ANTXRL: variants seen among roughly 807,000 people sequenced by gnomAD.
ANTXRL encodes ANTXR like.
ANTXRL carries 63 observed loss-of-function variants against 75.4 expected under a neutral mutation model. The ratio of observed to expected loss-of-function variants is 0.84; its 90% CI spans 0.68 to 1.03. The LOEUF (loss-of-function observed/expected upper bound fraction) is 1.03. Among genes scored for constraint, ANTXRL ranks in the 50% least tolerant of loss-of-function variants. The pLI, the probability that ANTXRL is intolerant of heterozygous loss-of-function variation, is 0.00. For missense variants in ANTXRL, 797 were observed against 789.4 expected, an observed-to-expected ratio of 1.01 and a Z score of -0.12; for synonymous variants, 335 against 291.3, an observed-to-expected ratio of 1.15 and a Z score of -1.53.
Position 46,310,445 on chromosome 10 carries a change from CT to C in ANTXRL, c.1135-12del. On this transcript the variant is annotated splice_polypyrimidine_tract_variant and intron_variant, in intron 13 of 16. Transcript: ENST00000620264. Reference sequence around the variant, plus strand: ...ACCCCCATCCAGCCTGTGTTTGTCTCTTTTGAACATTCTAGACTGTCAAGGA... The same window carrying C: ...ACCCCCATCCAGCCTGTGTTTGTCTCTTTGAACATTCTAGACTGTCAAGGA... 1 of 1,536,236 alleles carries C rather than the reference CT, an allele frequency of 6.5e-7. No individual in the cohort carries two copies. The highest frequency in any genetic ancestry group is 8.7e-7 in the Non-Finnish European group (1 of 1,146,754).
chr10:46,295,815 T>TCTCTGTAA (rs1554958438), intron 3 of ANTXRL, among the ~76,000 whole-genome samples: 9 of 152,248 alleles, frequency 5.9e-5, no homozygotes, highest in African/African-American at 1.9e-4. Flanking sequence ...AGGCCTGCAT[T>TCTCTGTAA]CTCTGTAACT....
At chr10:46,320,006 G>A (rs1266132788) in intron 16 of ANTXRL, among the ~76,000 whole-genome samples, 1 of 152,188 alleles carries the variant, frequency 6.6e-6, no homozygotes. Flanking sequence ...CCATGTGAAT[G>A]TATATGTCAT....
intron 5 of ANTXRL, among the ~76,000 whole-genome samples, chr10:46,296,696 A>G (rs1432267154): frequency 6.6e-6 from 1 of 152,110 alleles, no homozygotes; most frequent in Non-Finnish European, 1.5e-5. Context: ...AGCTCTTGTC[A>G]GGAAAAGGCA....
intron 14 of ANTXRL, 32 bp downstream of exon 14, chr10:46,310,531 C>T: frequency 6.5e-7 from 1 of 1,534,240 alleles, no homozygotes; most frequent in Non-Finnish European, 8.7e-7. Context: ...GATATTGTCA[C>T]ATCCCAAGGA....
rs1554960857 is a variant in ANTXRL, at chr10:46,302,710, T to C, written c.797-12T>C. 2.6e-6 allele frequency: 4 copies of C among 1,528,128 alleles called. No homozygotes were observed. In the East Asian group the frequency reaches 7.3e-5, roughly 28 times the overall value. 94.7% of individuals were successfully genotyped at this position (1,528,128 alleles called of 1,614,324 possible). A position where few individuals can be genotyped will look rare whatever the true frequency, so the allele number is the denominator to read the frequency against. On this transcript the variant is annotated splice_polypyrimidine_tract_variant and intron_variant, in intron 9 of 16. Transcript: ENST00000620264. ...TCTTCCTCACTCAGCCTTTTGAATGTTGTCCTTGCAGAACCCTACCATGTG... is the reference window on the plus strand; with the variant it reads ...TCTTCCTCACTCAGCCTTTTGAATGCTGTCCTTGCAGAACCCTACCATGTG...
Position 46,325,809 on chromosome 10 carries a change from T to C in ANTXRL, c.1411-3790T>C, listed in dbSNP as rs565383565. 3.9e-5 allele frequency among the ~76,000 whole-genome samples: 6 copies of C among 152,234 alleles called. No individual in the cohort carries two copies. The South Asian group carries it at 1.0e-3, about 26-fold the overall frequency. ...CATTTTCTCTAGCTCCTTTTACCTC[T>C]TCTCATGCAGGGGTTTTTGAGGGTC... On this transcript the variant is annotated intron_variant, in intron 16 of 16. Coordinates refer to ENST00000620264, the MANE Select transcript of ANTXRL (RefSeq NM_001278688.3).
At chr10:46,329,500 TGG>T in intron 16 of ANTXRL, 97 bp from the exon 17 acceptor site, 2 of 1,430,120 alleles carry the variant, frequency 1.4e-6, no homozygotes, top group African/African-American at 2.9e-5. Context: ...TGGGTCCCGA[TGG>T]GTCCTGGCCC....
rs1179394699 is a variant in ANTXRL, at chr10:46,296,433, C to T, written c.508+181C>T. Among the ~76,000 whole-genome samples the T allele has an allele frequency of 3.3e-5, 5 of 152,158 alleles. 1 individual carries two copies. The highest frequency in any genetic ancestry group is 1.2e-4 in the African/African-American group (5 of 41,440). On this transcript the variant is annotated intron_variant, in intron 5 of 16. Coordinates refer to ENST00000620264, the MANE Select transcript of ANTXRL (RefSeq NM_001278688.3). ...CAATGAGCATAGTAAGCCCTCACCC[C>T]ATGGAGTTCTGAGAACTGTGTGGGA...
chr10:46,319,721 AAAACCC>A (rs1367233859), intron 16 of ANTXRL, among the ~76,000 whole-genome samples: 6 of 152,006 alleles, frequency 3.9e-5, no homozygotes, highest in Non-Finnish European at 8.8e-5. Context: ...TAAAGATTAG[AAAACCC>A]AAGTTTGTCA....
In ANTXRL at chr10:46,330,066, C is replaced by A. The variant is rs7091749; in HGVS notation, c.1878C>A (p.Pro626=). ...CAGAACCCCCTTTGTCACTCCCCCC[C>A]TCAGAGCCCAACTTCTAAGGCACCA... ...HTAEPPLSLP[P]SEPNF is the part of the protein sequence containing the mutation. The change falls in exon 17 of 17, where the codon CCC becomes CCA. Residue 626 remains proline (P), a synonymous_variant. Coordinates refer to ENST00000620264, the MANE Select transcript of ANTXRL (RefSeq NM_001278688.3). The A allele has an allele frequency of 7.9e-6, 12 of 1,519,144 alleles. No individual in the cohort carries two copies. Among genetic ancestry groups the A allele is most frequent in the Middle Eastern group, 1.7e-4 (1 of 5,922 alleles). 94.1% of individuals were successfully genotyped at this position (1,519,144 alleles called of 1,614,324 possible). A position where few individuals can be genotyped will look rare whatever the true frequency, so the allele number is the denominator to read the frequency against.
At chr10:46,308,633 C>T (rs1838244123) in intron 12 of ANTXRL, 2 of 349,596 alleles carry the variant, frequency 5.7e-6, no homozygotes, top group Non-Finnish European at 5.7e-6. Flanking sequence ...CTCACAAGTG[C>T]CCCCAGGGAG....
In ANTXRL at chr10:46,329,914, T is replaced by G; in HGVS notation, c.1726T>G (p.Cys576Gly). The G allele has an allele frequency of 1.3e-6, 2 of 1,535,906 alleles. No homozygotes were observed. The highest frequency in any genetic ancestry group is 1.7e-6 in the Non-Finnish European group (2 of 1,146,750). Residue 576 changes from cysteine (C) to glycine (G), a missense_variant, in exon 17 of 17, where the codon TGC becomes GGC. By Grantham distance (159) the Cys-to-Gly change is radical. Transcript: ENST00000620264. ...QAQTLCNPKSCLQPSRECLPL... is the reference protein window; with the variant it reads ...QAQTLCNPKSGLQPSRECLPL... ...ACAGACTCTGTGCAACCCAAAGAGC[T>G]GCCTTCAACCCAGCCGGGAGTGCCT... is the stretch of plus-strand genomic sequence containing the variant.
intron 16 of ANTXRL, among the ~76,000 whole-genome samples, chr10:46,320,060 G>T (rs1838908497): frequency 6.6e-6 from 1 of 152,080 alleles, no homozygotes; most frequent in Non-Finnish European, 1.5e-5. Context: ...GTTCACATCT[G>T]GCTATTTGAT....
intron 16 of ANTXRL, among the ~76,000 whole-genome samples, chr10:46,317,362 C>A (rs75618872): frequency 0.17 from 25,111 of 151,978 alleles, 1,789 homozygotes; most frequent in Middle Eastern, 0.2. Context: ...ATATTAATAT[C>A]TTGATTTCAC....
At position 46,311,505 on chromosome 10, in the gene ANTXRL, T is replaced by C. The variant is rs1379384511; in HGVS notation, c.1174-5T>C. ...GTGAGCAGACAGTTGTTTTTCTTTT[T>C]TTAGGAGCCAGAGCAGGAAAAACCA... On this transcript the variant is annotated splice_polypyrimidine_tract_variant and splice_region_variant and intron_variant, in intron 14 of 16. Transcript: ENST00000620264. 27 of 1,527,864 alleles carry C rather than the reference T, an allele frequency of 1.8e-5. No individual in the cohort carries two copies. Among genetic ancestry groups the C allele is most frequent in the Non-Finnish European group, 2.4e-5 (27 of 1,142,568 alleles). 94.6% of individuals were successfully genotyped at this position (1,527,864 alleles called of 1,614,324 possible). A position where few individuals can be genotyped will look rare whatever the true frequency, so the allele number is the denominator to read the frequency against.
chr10:46,298,674 G>A (rs532834860), intron 9 of ANTXRL, among the ~76,000 whole-genome samples: 17 of 151,604 alleles, frequency 1.1e-4, no homozygotes, highest in African/African-American at 2.2e-4. Context: ...TGTTTGTGTC[G>A]TATGGGGAGT....
chr10:46,311,630 G>A lies in ANTXRL; in HGVS notation c.1294G>A (p.Gly432Arg), dbSNP rs1554963554. 7.7e-7 allele frequency: 1 copy of A among 1,293,894 alleles called. No homozygotes were observed. Among genetic ancestry groups the A allele is most frequent in the Non-Finnish European group, 1.1e-6 (1 of 925,700 alleles). The allele number at this position is 1,293,894 out of a possible 1,614,324, so 80.2% of individuals were successfully genotyped here. Residue 432 changes from glycine to arginine, a missense_variant, in exon 15 of 17, where the codon GGA becomes AGA. Physicochemically the swap from Gly to Arg is moderately radical, Grantham distance 125 (BLOSUM62 -2). Coordinates refer to ENST00000620264, the MANE Select transcript of ANTXRL (RefSeq NM_001278688.3). ...TCPTVIICCC[G>R]CQGVGGMRRI... ...CCCCACTGTGATTATTTGTTGCTGT[G>A]GATGCCAAGGAGTGGGCGGGATGAG...
intron 3 of ANTXRL, 183 bp downstream of exon 3, chr10:46,294,083 G>A (rs1387939912): frequency 1.7e-6 from 1 of 593,338 alleles, no homozygotes; most frequent in African/African-American, 1.9e-5. Flanking sequence ...TCCTACCCAT[G>A]GCTGCAAGGT....
At chr10:46,293,424 G>C (rs1554957329) in intron 2 of ANTXRL, among the ~76,000 whole-genome samples, 1 of 150,346 alleles carries the variant, frequency 6.7e-6, no homozygotes, top group Non-Finnish European at 1.5e-5. Context: ...GTGTGGGTGT[G>C]TGCGTGTATG....
Sources: allele counts gnomAD v4.1 joint callset (sites outside exome capture counted in the v4.1 genomes callset), GRCh38; gene constraint gnomAD v4.1.1; transcripts MANE v1.5; gene names NCBI Gene and HGNC (gene_info 2026-07-23, HGNC 2026-07-21).